The following SYCE1 variants were observed in gnomAD, a reference collection of about 807,000 sequenced individuals.
SYCE1 encodes the protein synaptonemal complex central element protein 1, also known as cancer/testis antigen 76.
In SYCE1, 37 loss-of-function variants were observed where a neutral mutation model predicts 55.1. The observed-to-expected ratio is 0.67, with a 90% CI of 0.52 to 0.88. The LOEUF (loss-of-function observed/expected upper bound fraction) is 0.88. Ranked by LOEUF, SYCE1 falls within the 40% of genes least tolerant of loss-of-function variation. The probability of loss-of-function intolerance (pLI) is 0.00; values close to 1 mark genes in which losing one functional copy is unlikely to be tolerated. For missense variants in SYCE1, 399 were observed against 416.4 expected, an observed-to-expected ratio of 0.96 and a Z score of 0.36; for synonymous variants, 163 against 159.4, an observed-to-expected ratio of 1.02 and a Z score of -0.17.
At position 133,565,549 on chromosome 10, in the gene SYCE1, G is replaced by T; in HGVS notation, c.-20C>A. The T allele has an allele frequency of 6.5e-7, 1 of 1,548,498 alleles. No homozygotes were observed. The highest frequency in any genetic ancestry group is 1.4e-5 in the African/African-American group (1 of 73,174). On this transcript the variant is annotated 5_prime_UTR_variant, in exon 1 of 13. Coordinates refer to ENST00000343131, the MANE Select transcript of SYCE1 (RefSeq NM_001143764.3). ...CGCCATTTCCTCTCAGCTCGCCAGC[G>T]AGGGTGCCTCGGGAGGGAGCCTCCA...
upstream of SYCE1, among the ~76,000 whole-genome samples, chr10:133,567,238 G>A (rs12772608): frequency 2.0e-5 from 3 of 151,518 alleles, no homozygotes; most frequent in African/African-American, 7.3e-5. Flanking sequence ...GGTTGGGTTG[G>A]AGGCTTGGGT....
chr10:133,554,249 A>AT (rs779030041), downstream of SYCE1: 8 of 1,603,248 alleles, frequency 5.0e-6, no homozygotes, highest in African/African-American at 1.1e-4. Context: ...GCCATGTTCC[A>AT]TTTTTCCATG....
At chr10:133,566,931 T>A (rs1851955634), upstream of SYCE1, among the ~76,000 whole-genome samples, 1 of 148,156 alleles carries the variant, frequency 6.7e-6, no homozygotes, top group Admixed American at 6.8e-5. Flanking sequence ...TTGTTAGGGT[T>A]AGCTTCAGGG....
upstream of SYCE1, among the ~76,000 whole-genome samples, chr10:133,566,665 G>A (rs141642947): frequency 0.012 from 1,760 of 151,090 alleles, no homozygotes; most frequent in African/African-American, 0.041. Context: ...GTGGGGGTTA[G>A]GGTTTGGGAT....
chr10:133,555,843 G>A lies in SYCE1; in HGVS notation c.656C>T (p.Ala219Val). The change falls in exon 10 of 13, where the codon GCT becomes GTT. Residue 219 changes from alanine to valine, a missense_variant. By Grantham distance (64) the Ala-to-Val change is moderately conservative (BLOSUM62 0). Transcript: ENST00000343131. ...CTCATCAAGGGTGGAGGGGCCCTCAGCCCCACACAGGGAGCACAGCTGATG... is the reference window on the plus strand; with the variant it reads ...CTCATCAAGGGTGGAGGGGCCCTCAACCCCACACAGGGAGCACAGCTGATG... ...VKHQLCSLCG[A>V]EGPSTLDEGL... is the part of the protein sequence containing the mutation. The A allele has an allele frequency of 6.2e-7, 1 of 1,613,966 alleles. No homozygotes were observed. Among genetic ancestry groups the A allele is most frequent in the South Asian group, 1.1e-5 (1 of 91,070 alleles).
intron 6 of SYCE1, 58 bp from the exon 7 acceptor site, chr10:133,557,214 G>A: frequency 6.8e-7 from 1 of 1,460,742 alleles, no homozygotes; most frequent in Non-Finnish European, 9.6e-7. Context: ...AGGGCACTGG[G>A]CTGGGGCTTC....
chr10:133,556,847 G>T, intron 7 of SYCE1, 25 bp from the exon 8 acceptor site: 1 of 1,602,016 alleles, frequency 6.2e-7, no homozygotes, highest in East Asian at 2.3e-5. Context: ...CAGGCATGAG[G>T]GGATATGGGC....
chr10:133,559,817 C>T (rs1851780526), intron 2 of SYCE1: 2 of 482,516 alleles, frequency 4.1e-6, no homozygotes, highest in Admixed American at 6.9e-5. Flanking sequence ...AAGGCGGCAA[C>T]TTCTGGATCT....
chr10:133,558,302 G>A, intron 4 of SYCE1, 88 bp from the exon 5 acceptor site: 2 of 1,476,646 alleles, frequency 1.4e-6, no homozygotes, highest in African/African-American at 1.4e-5. Flanking sequence ...GGGAAGCTGG[G>A]CACAGCCTTG....
At position 133,555,842 on chromosome 10, in the gene SYCE1, A is replaced by G; in HGVS notation, c.657T>C (p.Ala219=). The G allele has an allele frequency of 1.2e-6, 2 of 1,613,978 alleles. No individual in the cohort carries two copies. The highest frequency in any genetic ancestry group is 1.6e-4 in the Middle Eastern group (1 of 6,062). The change falls in exon 10 of 13, where the codon GCT becomes GCC. Residue 219 remains alanine, a synonymous_variant. Coordinates refer to ENST00000343131, the MANE Select transcript of SYCE1 (RefSeq NM_001143764.3). ...CCTCATCAAGGGTGGAGGGGCCCTCAGCCCCACACAGGGAGCACAGCTGAT... is the reference window on the plus strand; with the variant it reads ...CCTCATCAAGGGTGGAGGGGCCCTCGGCCCCACACAGGGAGCACAGCTGAT... ...VKHQLCSLCG[A]EGPSTLDEGL...
upstream of SYCE1, chr10:133,567,838 C>T (rs114521045): frequency 5.9e-3 from 2,348 of 397,300 alleles, no homozygotes; most frequent in African/African-American, 0.044. Flanking sequence ...CCCTAACATC[C>T]TGGAGCAGGT....
chr10:133,555,531 A>C (rs1851643765), intron 11 of SYCE1, 66 bp downstream of exon 11: 3 of 1,606,832 alleles, frequency 1.9e-6, no homozygotes, highest in Non-Finnish European at 1.7e-6. Flanking sequence ...CAGAAGGTGG[A>C]GAGAGGAGAT....
intron 3 of SYCE1, 123 bp downstream of exon 3, chr10:133,559,178 T>C: frequency 8.9e-7 from 1 of 1,119,440 alleles, no homozygotes; most frequent in East Asian, 2.4e-5. Flanking sequence ...AATTTAAGGC[T>C]CTGCTGTTGC....
At chr10:133,557,686 A>G (rs914372947) in intron 6 of SYCE1, 178 bp downstream of exon 6, 2 of 637,450 alleles carry the variant, frequency 3.1e-6, no homozygotes, top group Admixed American at 5.7e-5. Context: ...CCATTGAGAG[A>G]GTTTCCCTTA....
chr10:133,558,106 G>A, intron 5 of SYCE1, 61 bp downstream of exon 5: 1 of 1,605,442 alleles, frequency 6.2e-7, no homozygotes, highest in Non-Finnish European at 8.5e-7. Flanking sequence ...CTGCCATAGG[G>A]AGAGTGGGCT....
At chr10:133,554,513 C>A, downstream of SYCE1, 1 of 664,488 alleles carries the variant, frequency 1.5e-6, no homozygotes, top group African/African-American at 1.8e-5. Flanking sequence ...TTTCTATCCT[C>A]TTCCTGTCCA....
upstream of SYCE1, chr10:133,565,710 G>A (rs114643630): frequency 4.7e-3 from 2,779 of 586,978 alleles, no homozygotes; most frequent in African/African-American, 0.048. Context: ...GCGTAAAGGC[G>A]CGAGGGCTAC....
intron 8 of SYCE1, chr10:133,556,372 C>G (rs1230397886): frequency 1.9e-6 from 1 of 534,068 alleles, no homozygotes; most frequent in Non-Finnish European, 3.4e-6. Context: ...CTCCTCCCCA[C>G]TCCCCTCTGT....
At chr10:133,554,692 G>A (rs1248983304), downstream of SYCE1, 1 of 775,692 alleles carries the variant, frequency 1.3e-6, no homozygotes. Context: ...TGTAATGAAG[G>A]AATTGAAGAA....
Sources: allele counts gnomAD v4.1 joint callset (sites outside exome capture counted in the v4.1 genomes callset), GRCh38; gene constraint gnomAD v4.1.1; transcripts MANE v1.5; gene names NCBI Gene and HGNC (gene_info 2026-07-23, HGNC 2026-07-21).